TOPBP1: variants seen among roughly 807,000 people sequenced by gnomAD.
TOPBP1 encodes the protein DNA topoisomerase II binding protein 1.
In TOPBP1, 28 loss-of-function variants were observed where a neutral mutation model predicts 167.7. The observed-to-expected ratio is 0.17, with a 90% confidence interval of 0.12 to 0.23. The LOEUF is 0.23. Ranked by LOEUF, TOPBP1 falls within the 10% of genes least tolerant of loss-of-function variation. TOPBP1 has a pLI of 1.00. For missense variants in TOPBP1, 1,554 were observed against 1,809.6 expected, an observed-to-expected ratio of 0.86 and a Z score of 2.56; for synonymous variants, 598 against 611.4, an observed-to-expected ratio of 0.98 and a Z score of 0.32.
intron 23 of TOPBP1, among the ~76,000 whole-genome samples, chr3:133,616,359 TG>T (rs1290621835): frequency 6.6e-6 from 1 of 151,962 alleles, no homozygotes; most frequent in Non-Finnish European, 1.5e-5. Context: ...TGACCCCAGG[TG>T]ATCCGCCCAC....
chr3:133,638,279 G>A (rs1268503481), intron 13 of TOPBP1, 117 bp from the exon 14 acceptor site: 2 of 995,716 alleles, frequency 2.0e-6, no homozygotes. Context: ...ATAACTCCTG[G>A]GCTCAAGAGA....
At chr3:133,632,531 G>GT (rs1449951024) in intron 14 of TOPBP1, among the ~76,000 whole-genome samples, 32 of 152,152 alleles carry the variant, frequency 2.1e-4, no homozygotes, top group Admixed American at 2.1e-3. Flanking sequence ...CAAGAACATG[G>GT]TAAGTCTTTC....
intron 16 of TOPBP1, among the ~76,000 whole-genome samples, chr3:133,624,759 T>C (rs1195117931): frequency 2.0e-5 from 3 of 152,136 alleles, no homozygotes; most frequent in South Asian, 2.1e-4. Context: ...AGACTATATA[T>C]ATTTTACACA....
At chr3:133,655,947 C>T (rs769314231) in intron 5 of TOPBP1, among the ~76,000 whole-genome samples, 1 of 151,976 alleles carries the variant, frequency 6.6e-6, no homozygotes, top group Non-Finnish European at 1.5e-5. Flanking sequence ...ATGAAGTAAT[C>T]ACATTGGGAA....
At chr3:133,626,445 T>A (rs1384219798) in intron 16 of TOPBP1, among the ~76,000 whole-genome samples, 1 of 152,226 alleles carries the variant, frequency 6.6e-6, no homozygotes, top group Non-Finnish European at 1.5e-5. Context: ...TCTTGCATGA[T>A]ATTCTAATGT....
intron 5 of TOPBP1, among the ~76,000 whole-genome samples, chr3:133,656,105 G>A (rs1018767714): frequency 6.6e-6 from 1 of 151,136 alleles, no homozygotes; most frequent in African/African-American, 2.4e-5. Context: ...GGAAACTGAA[G>A]TGTGCCCCTT....
rs553323117 is a variant in TOPBP1, at chr3:133,655,901, A to T, written c.546-415T>A. On this transcript the variant is annotated intron_variant, in intron 5 of 27. Coordinates refer to ENST00000260810, the MANE Select transcript of TOPBP1 (RefSeq NM_007027.4). ...TTTTTGGCAAAATACCAACAAAAAT[A>T]TCATTATTCTGTTGCCATGCTAGGG... 1.8e-4 allele frequency among the ~76,000 whole-genome samples: 28 copies of T among 152,284 alleles called. No individual in the cohort carries two copies. The South Asian group carries it at 5.6e-3, about 30-fold the overall frequency.
chr3:133,644,738 AACT>A (rs1432976691), intron 10 of TOPBP1, among the ~76,000 whole-genome samples: 1 of 152,242 alleles, frequency 6.6e-6, no homozygotes, highest in African/African-American at 2.4e-5. Context: ...TAAATGGTAT[AACT>A]GTCAAGTCCT....
chr3:133,621,941 C>G (rs1935101892), intron 19 of TOPBP1, among the ~76,000 whole-genome samples: 1 of 150,492 alleles, frequency 6.6e-6, no homozygotes, highest in African/African-American at 2.4e-5. Context: ...AAAGTGGGAC[C>G]ATTCATAATG....
chr3:133,652,100 A>C (rs955030942), intron 8 of TOPBP1, among the ~76,000 whole-genome samples: 2 of 152,078 alleles, frequency 1.3e-5, no homozygotes, highest in Non-Finnish European at 2.9e-5. Context: ...ACTGCATCCC[A>C]GCCTGGGCAA....
At chr3:133,627,086 A>G (rs1559816630) in intron 16 of TOPBP1, among the ~76,000 whole-genome samples, 1 of 152,232 alleles carries the variant, frequency 6.6e-6, no homozygotes, top group East Asian at 1.9e-4. Flanking sequence ...TCTGCATATT[A>G]TAAGGCTCTT....
In TOPBP1 at chr3:133,616,470, G is replaced by A. The variant is rs142322706; in HGVS notation, c.3871+344C>T. 2.5e-3 allele frequency among the ~76,000 whole-genome samples: 373 copies of A among 152,220 alleles called. 1 individual carries two copies. The highest frequency in any genetic ancestry group is 8.6e-3 in the African/African-American group (356 of 41,536). On this transcript the variant is annotated intron_variant, in intron 23 of 27. Transcript: ENST00000260810. Reference sequence around the variant, plus strand: ...CAAACAAACAAAAAAACAAGAGGGAGCTCCTCTCTAGATATTATTAACCTT... The same window carrying A: ...CAAACAAACAAAAAAACAAGAGGGAACTCCTCTCTAGATATTATTAACCTT...
chr3:133,660,486 T>C (rs1187033856), intron 2 of TOPBP1, among the ~76,000 whole-genome samples: 7 of 152,218 alleles, frequency 4.6e-5, no homozygotes, highest in African/African-American at 1.7e-4. Flanking sequence ...TAAAAAAATC[T>C]GCTACAAATG....
At chr3:133,658,490 A>T (rs1391948868) in intron 3 of TOPBP1, among the ~76,000 whole-genome samples, 5 of 151,910 alleles carry the variant, frequency 3.3e-5, no homozygotes, top group African/African-American at 1.2e-4. Flanking sequence ...AAAGAAAAGA[A>T]AAGAAATAAA....
chr3:133,617,847 T>G (rs535544420), intron 21 of TOPBP1, among the ~76,000 whole-genome samples: 62 of 152,160 alleles, frequency 4.1e-4, no homozygotes, highest in African/African-American at 1.2e-3. Flanking sequence ...CAAATGTAGG[T>G]ATGTGCTAGG....
At chr3:133,643,014 G>A (rs1000120619) in intron 12 of TOPBP1, among the ~76,000 whole-genome samples, 186 bp downstream of exon 12, 1 of 151,660 alleles carries the variant, frequency 6.6e-6, no homozygotes, top group Non-Finnish European at 1.5e-5. Context: ...TTCATCTTTG[G>A]ACAACAGAGG....
chr3:133,628,721 C>T lies in TOPBP1; in HGVS notation c.2533G>A (p.Ala845Thr), dbSNP rs917141663. The change falls in exon 15 of 28, where the codon GCC becomes ACC. Residue 845 changes from alanine to threonine, a missense_variant. By Grantham distance (58) the Ala-to-Thr change is moderately conservative (BLOSUM62 0). This residue lies in a region of TOPBP1 where 1,197 missense variants were observed against 1,351.5 expected (regional missense o/e 0.89). Transcript: ENST00000260810. Reference protein sequence around the residue: ...PSFDVKDALAALETPGRPSQQ... With the variant: ...PSFDVKDALATLETPGRPSQQ... ...CTGGGACGTCCTGGAGTTTCCAAGG[C>T]TGCAAGTGCATCCTATACATATGAA... 6.4e-7 allele frequency: 1 copy of T among 1,552,080 alleles called. No individual in the cohort carries two copies. The highest frequency in any genetic ancestry group is 8.7e-7 in the Non-Finnish European group (1 of 1,147,238).
At chr3:133,648,497 T>C (rs1170418698) in intron 10 of TOPBP1, among the ~76,000 whole-genome samples, 3 of 152,188 alleles carry the variant, frequency 2.0e-5, no homozygotes, top group Non-Finnish European at 2.9e-5. Context: ...GGGCTAGTTG[T>C]GATCATTAAA....
chr3:133,614,071 G>A (rs145945786), intron 23 of TOPBP1, among the ~76,000 whole-genome samples: 1 of 152,198 alleles, frequency 6.6e-6, no homozygotes, highest in East Asian at 1.9e-4. Context: ...GATTACAGGT[G>A]TGAGCCACCA....
Sources: allele counts gnomAD v4.1 joint callset (sites outside exome capture counted in the v4.1 genomes callset), GRCh38; gene constraint gnomAD v4.1.1; regional missense constraint gnomAD v4.1.1; transcripts MANE v1.5; gene names NCBI Gene and HGNC (gene_info 2026-07-23, HGNC 2026-07-21).